Variants in NDST3 observed in about 807,000 individuals in gnomAD.
NDST3 encodes bifunctional heparan sulfate N-deacetylase/N-sulfotransferase 3.
NDST3 carries 58 observed loss-of-function variants against 96.1 expected under a neutral mutation model. The observed-to-expected ratio is 0.60, with a 90% CI of 0.49 to 0.75. NDST3 has a LOEUF of 0.75. Ranked by LOEUF, NDST3 falls within the 30% of genes least tolerant of loss-of-function variation. The pLI is 0.00. For missense variants in NDST3, 788 were observed against 1,034.2 expected (o/e 0.76, Z 3.27); for synonymous variants, 333 against 359.7 (o/e 0.93, Z 0.84).
At chr4:118,205,282 A>G (rs1738360623) in intron 6 of NDST3, among the ~76,000 whole-genome samples, 1 of 144,526 alleles carries the variant, frequency 6.9e-6, no homozygotes, top group Non-Finnish European at 1.5e-5. Context: ...AATATACACA[A>G]TATTTATACT....
At position 118,047,141 on chromosome 4, in the gene NDST3, C is replaced by T. The variant is rs141856110; in HGVS notation, c.-155-6615C>T. Among the ~76,000 whole-genome samples, 206 of 152,268 alleles carry T rather than the reference C, an allele frequency of 1.4e-3. 1 individual carries two copies. Among genetic ancestry groups the T allele is most frequent in the Non-Finnish European group, 2.3e-3 (155 of 68,024 alleles). On this transcript the variant is annotated intron_variant, in intron 1 of 13. Coordinates refer to ENST00000296499, the MANE Select transcript of NDST3 (RefSeq NM_004784.3). ...CTGGATCCCAGCCCAAACTACCACG[C>T]CAAAAATATTTTGCTACTATACACC...
intron 10 of NDST3, among the ~76,000 whole-genome samples, chr4:118,238,310 G>C (rs1176624731): frequency 6.6e-6 from 1 of 152,108 alleles, no homozygotes; most frequent in East Asian, 1.9e-4. Context: ...CATTGCCATT[G>C]TTTTCTGATG....
chr4:118,114,802 A>T lies in NDST3; in HGVS notation c.1070-4A>T, dbSNP rs201057610. The T allele has an allele frequency of 1.3e-6, 2 of 1,591,394 alleles. No individual in the cohort carries two copies. Among genetic ancestry groups the T allele is most frequent in the Non-Finnish European group, 1.7e-6 (2 of 1,166,824 alleles). On this transcript the variant is annotated splice_polypyrimidine_tract_variant and splice_region_variant and intron_variant, in intron 3 of 13. Transcript: ENST00000296499. ...TTAATTGGATAATATTTCCCCCCCT[A>T]AAGGAACTGAAGAGGAAGATGAAGG...
At chr4:118,076,481 T>C (rs896823215) in intron 2 of NDST3, among the ~76,000 whole-genome samples, 3 of 152,150 alleles carry the variant, frequency 2.0e-5, no homozygotes, top group African/African-American at 7.2e-5. Context: ...TCAGAGGTTT[T>C]GTTCATTATT....
intron 1 of NDST3, among the ~76,000 whole-genome samples, chr4:118,043,693 C>A (rs1724595297): frequency 6.6e-6 from 1 of 152,136 alleles, no homozygotes; most frequent in Non-Finnish European, 1.5e-5. Context: ...ACAGGTCAGT[C>A]CATCCTGAAG....
intron 6 of NDST3, among the ~76,000 whole-genome samples, chr4:118,164,474 G>A (rs577614676): frequency 2.7e-5 from 4 of 147,758 alleles, no homozygotes; most frequent in Admixed American, 6.6e-5. Context: ...AAAGCTGCAC[G>A]TGTAACCCTG....
intron 5 of NDST3, 94 bp from the exon 6 acceptor site, chr4:118,143,462 C>T (rs1560674645): frequency 1.5e-6 from 2 of 1,314,990 alleles, no homozygotes; most frequent in Non-Finnish European, 2.1e-6. Flanking sequence ...AATTCACTAG[C>T]TTGTGCATCA....
At position 118,165,205 on chromosome 4, in the gene NDST3, A is replaced by G. The variant is rs370376429; in HGVS notation, c.1539+21521A>G. Among the ~76,000 whole-genome samples, 25 of 152,174 alleles carry G rather than the reference A, an allele frequency of 1.6e-4. No homozygotes were observed. The East Asian group carries it at 4.8e-3, about 29-fold the overall frequency. ...GAACACTAGCTTTAGATTTAAAGACACTCACAGGCTGAAAGTGAAAGCATG... is the reference window on the plus strand; with the variant it reads ...GAACACTAGCTTTAGATTTAAAGACGCTCACAGGCTGAAAGTGAAAGCATG... On this transcript the variant is annotated intron_variant, in intron 6 of 13. Coordinates refer to ENST00000296499, the MANE Select transcript of NDST3 (RefSeq NM_004784.3).
intron 1 of NDST3, among the ~76,000 whole-genome samples, chr4:118,043,668 G>A (rs958196276): frequency 6.6e-6 from 1 of 152,170 alleles, no homozygotes; most frequent in Non-Finnish European, 1.5e-5. Flanking sequence ...ACCTTCCACA[G>A]GAGGAGTGAC....
At chr4:118,165,288 A>T (rs1272828156) in intron 6 of NDST3, among the ~76,000 whole-genome samples, 1 of 152,126 alleles carries the variant, frequency 6.6e-6, no homozygotes, top group Non-Finnish European at 1.5e-5. Context: ...TATTCATATC[A>T]GAAAAAATGG....
intron 2 of NDST3, among the ~76,000 whole-genome samples, chr4:118,076,787 C>T (rs554298912): frequency 5.9e-5 from 9 of 152,242 alleles, no homozygotes; most frequent in South Asian, 4.1e-4. Context: ...CTGAATTCTA[C>T]GCCTGTTATT....
rs139487288 is a variant in NDST3, at chr4:118,038,710, G to C, written c.-156+4118G>C. Among the ~76,000 whole-genome samples the C allele has an allele frequency of 2.3e-3, 355 of 152,182 alleles. 1 individual carries two copies. In the South Asian group the frequency reaches 0.027, roughly 12 times the overall value. On this transcript the variant is annotated intron_variant, in intron 1 of 13. Transcript: ENST00000296499. ...GCATTTTTCAACATTATAAAATATA[G>C]TTTTATAGTTCATTCCTTTTTCAGA...
chr4:118,217,401 T>C (rs1297069292), intron 6 of NDST3, among the ~76,000 whole-genome samples: 2 of 152,040 alleles, frequency 1.3e-5, no homozygotes, highest in Non-Finnish European at 2.9e-5. Context: ...GGAATTATAG[T>C]ATAGGAAGTT....
intron 2 of NDST3, among the ~76,000 whole-genome samples, chr4:118,058,470 T>C (rs1375092649): frequency 1.3e-5 from 2 of 151,484 alleles, no homozygotes; most frequent in Non-Finnish European, 2.9e-5. Flanking sequence ...AGGTCTTTGT[T>C]TGTCTAGGAA....
At chr4:118,220,452 G>T (rs1739465566) in intron 6 of NDST3, among the ~76,000 whole-genome samples, 1 of 152,020 alleles carries the variant, frequency 6.6e-6, no homozygotes, top group Non-Finnish European at 1.5e-5. Flanking sequence ...GCCAGTTAGG[G>T]GATGGGGGGC....
intron 2 of NDST3, among the ~76,000 whole-genome samples, chr4:118,075,539 C>T (rs1342937795): frequency 6.6e-6 from 1 of 152,190 alleles, no homozygotes; most frequent in African/African-American, 2.4e-5. Context: ...TCTTATTTCT[C>T]CACATCCTCT....
chr4:118,101,126 T>C (rs897235510), intron 2 of NDST3, among the ~76,000 whole-genome samples: 9 of 152,012 alleles, frequency 5.9e-5, no homozygotes, highest in African/African-American at 1.7e-4. Context: ...CCACCAAGAA[T>C]GCCACACGTG....
At chr4:118,236,125 G>A (rs1408191772) in intron 9 of NDST3, among the ~76,000 whole-genome samples, 1 of 152,158 alleles carries the variant, frequency 6.6e-6, no homozygotes, top group South Asian at 2.1e-4. Flanking sequence ...GTGTGATAAT[G>A]GCTTATGAAT....
At chr4:118,076,147 G>T (rs528138447) in intron 2 of NDST3, among the ~76,000 whole-genome samples, 1 of 152,214 alleles carries the variant, frequency 6.6e-6, no homozygotes, top group African/African-American at 2.4e-5. Flanking sequence ...GGCTTGGAGG[G>T]TTTCTTCTGA....
Sources: allele counts gnomAD v4.1 joint callset (sites outside exome capture counted in the v4.1 genomes callset), GRCh38; gene constraint gnomAD v4.1.1; transcripts MANE v1.5; gene names NCBI Gene and HGNC (gene_info 2026-07-23, HGNC 2026-07-21).